The following UNC80 variants were observed in gnomAD, a reference collection of about 807,000 sequenced individuals.
UNC80 encodes unc-80 subunit of NALCN channel complex.
UNC80 carries 164 observed loss-of-function variants against 384.6 expected under a neutral mutation model. The observed-to-expected ratio is 0.43, with a 90% CI of 0.38 to 0.49. The LOEUF is 0.49. Among genes scored for constraint, UNC80 ranks in the 20% least tolerant of loss-of-function variants. The pLI, the probability that UNC80 is intolerant of heterozygous loss-of-function variation, is 0.00. For synonymous variants in UNC80, 1,486 were observed against 1,527.8 expected, an observed-to-expected ratio of 0.97 and a Z score of 0.64; for missense variants, 3,330 against 4,143.0, an observed-to-expected ratio of 0.80 and a Z score of 5.39.
intron 26 of UNC80, among the ~76,000 whole-genome samples, chr2:209,892,430 A>G (rs2086430448): frequency 6.6e-6 from 1 of 152,220 alleles, no homozygotes; most frequent in South Asian, 2.1e-4. Flanking sequence ...AATACCAAAT[A>G]TAAATTCTAA....
intron 53 of UNC80, among the ~76,000 whole-genome samples, chr2:209,970,525 G>T (rs546353968): frequency 1.3e-5 from 2 of 152,082 alleles, no homozygotes; most frequent in Non-Finnish European, 2.9e-5. Flanking sequence ...AATGTTGACC[G>T]CATTCCTTTG....
chr2:209,809,439 C>T (rs916145002), intron 7 of UNC80: 58 of 1,469,986 alleles, frequency 3.9e-5, no homozygotes, highest in African/African-American at 5.6e-5. Context: ...GTGCCTTCGC[C>T]GACCGCTCCA....
At chr2:209,871,040 A>G (rs1229081984) in intron 22 of UNC80, among the ~76,000 whole-genome samples, 1 of 152,206 alleles carries the variant, frequency 6.6e-6, no homozygotes, top group Admixed American at 6.5e-5. Context: ...GATGACCCAA[A>G]TCACAAAGCT....
At chr2:209,828,356 T>C (rs568857730) in intron 14 of UNC80, among the ~76,000 whole-genome samples, 33 of 152,216 alleles carry the variant, frequency 2.2e-4, no homozygotes, top group African/African-American at 7.9e-4. Flanking sequence ...TCCCTGGGAA[T>C]AAAAATACCT....
At chr2:209,874,178 A>G (rs2084564537) in intron 23 of UNC80, among the ~76,000 whole-genome samples, 1 of 152,130 alleles carries the variant, frequency 6.6e-6, no homozygotes, top group African/African-American at 2.4e-5. Flanking sequence ...CTTATCCTTC[A>G]TTTAATTATA....
At chr2:209,772,392 C>T (rs2153824340) in intron 1 of UNC80, among the ~76,000 whole-genome samples, 1 of 151,076 alleles carries the variant, frequency 6.6e-6, no homozygotes, top group African/African-American at 2.4e-5. Flanking sequence ...TGGCAGTTGT[C>T]GCATAAATGT....
intron 61 of UNC80, among the ~76,000 whole-genome samples, chr2:209,986,107 AC>A (rs1386603418): frequency 6.6e-6 from 1 of 152,224 alleles, no homozygotes; most frequent in Non-Finnish European, 1.5e-5. Context: ...AAGTTGAGAA[AC>A]AAAACAGTCC....
intron 25 of UNC80, among the ~76,000 whole-genome samples, chr2:209,884,552 A>C (rs1040032126): frequency 1.3e-5 from 2 of 152,232 alleles, no homozygotes; most frequent in Non-Finnish European, 2.9e-5. Context: ...AATTAACTCA[A>C]GATGGGTTAA....
intron 22 of UNC80, among the ~76,000 whole-genome samples, chr2:209,865,164 CCT>C (rs1430229435): frequency 2.6e-5 from 4 of 152,264 alleles, no homozygotes; most frequent in African/African-American, 9.6e-5. Flanking sequence ...GTCACGGCAG[CCT>C]CTTAGTTCTG....
chr2:209,881,270 A>G (rs1017894985), intron 25 of UNC80, among the ~76,000 whole-genome samples, 176 bp downstream of exon 25: 2 of 152,212 alleles, frequency 1.3e-5, no homozygotes, highest in African/African-American at 4.8e-5. Context: ...CTCATTACAA[A>G]TAATAATAAC....
chr2:209,818,137 G>A (rs1406277770), intron 11 of UNC80, among the ~76,000 whole-genome samples, 185 bp downstream of exon 11: 3 of 152,054 alleles, frequency 2.0e-5, no homozygotes, highest in Admixed American at 6.6e-5. Context: ...ATTTAACACC[G>A]CACTGTAAAC....
chr2:209,776,475 A>G (rs2076872018), intron 3 of UNC80, among the ~76,000 whole-genome samples: 1 of 152,142 alleles, frequency 6.6e-6, no homozygotes, highest in Admixed American at 6.5e-5. Context: ...CAGCTACTCG[A>G]GAGGCTGAGG....
intron 42 of UNC80, among the ~76,000 whole-genome samples, chr2:209,938,577 A>T (rs930962977): frequency 6.6e-6 from 1 of 152,174 alleles, no homozygotes; most frequent in Non-Finnish European, 1.5e-5. Context: ...TCTTAAATAT[A>T]AACAATTCCT....
At chr2:209,814,478 C>T (rs150058290) in intron 8 of UNC80, among the ~76,000 whole-genome samples, 1 of 152,134 alleles carries the variant, frequency 6.6e-6, no homozygotes, top group Non-Finnish European at 1.5e-5. Flanking sequence ...GATCTCCTGA[C>T]CTCGTGATCC....
chr2:209,964,223 C>G (rs912865164), intron 51 of UNC80, among the ~76,000 whole-genome samples: 1 of 151,984 alleles, frequency 6.6e-6, no homozygotes, highest in African/African-American at 2.4e-5. Context: ...CTGCACTACT[C>G]CTAATGCATC....
rs545873999 is a variant in UNC80, at chr2:209,866,911, T to C, written c.3628-5847T>C. Among the ~76,000 whole-genome samples the C allele has an allele frequency of 4.7e-4, 71 of 152,320 alleles. 1 individual carries two copies. In the South Asian group the frequency reaches 5.8e-3, roughly 12 times the overall value. ...GGATTATTTTATGTTGTACTTTTTA[T>C]TGACACATAATAGTTGTGCACATTT... On this transcript the variant is annotated intron_variant, in intron 22 of 64. Coordinates refer to ENST00000673920, the MANE Select transcript of UNC80 (RefSeq NM_001371986.1).
chr2:209,893,535 C>T (rs916752847), intron 26 of UNC80, among the ~76,000 whole-genome samples: 1 of 152,016 alleles, frequency 6.6e-6, no homozygotes, highest in South Asian at 2.1e-4. Flanking sequence ...GGGGGTTGCA[C>T]CATTTGGAAT....
Position 209,809,510 on chromosome 2 carries a change from C to T in UNC80, c.939-4070C>T, listed in dbSNP as rs756365498. On this transcript the variant is annotated intron_variant, in intron 7 of 64. Coordinates refer to ENST00000673920, the MANE Select transcript of UNC80 (RefSeq NM_001371986.1). ...AAGAAGTACCAGTGCCAGGCGTGCG[C>T]TCGAACCTTCTCCCGAATGGCCCTG... The T allele has an allele frequency of 2.6e-6, 3 of 1,132,548 alleles. No homozygotes were observed. In the Admixed American group the frequency reaches 5.1e-5, roughly 19 times the overall value. 70.2% of individuals were successfully genotyped at this position (1,132,548 alleles called of 1,614,324 possible).
intron 43 of UNC80, among the ~76,000 whole-genome samples, chr2:209,940,231 G>A (rs563472658): frequency 6.6e-6 from 1 of 152,254 alleles, no homozygotes; most frequent in East Asian, 1.9e-4. Context: ...AATCAGAATG[G>A]TGGTTGCCTC....
Sources: allele counts gnomAD v4.1 joint callset (sites outside exome capture counted in the v4.1 genomes callset), GRCh38; gene constraint gnomAD v4.1.1; transcripts MANE v1.5; gene names NCBI Gene and HGNC (gene_info 2026-07-23, HGNC 2026-07-21).